Variants in BMPR1B observed in about 807,000 individuals in gnomAD.
BMPR1B encodes the protein bone morphogenetic protein receptor type 1B.
In BMPR1B, 12 loss-of-function variants were observed where a neutral mutation model predicts 59.1. That is an observed-to-expected ratio of 0.20 (90% CI 0.13 to 0.33). The LOEUF (loss-of-function observed/expected upper bound fraction) is 0.33. Among genes scored for constraint, BMPR1B ranks in the 10% least tolerant of loss-of-function variants. The probability of loss-of-function intolerance (pLI) is 1.00; values close to 1 mark genes in which losing one functional copy is unlikely to be tolerated. For synonymous variants in BMPR1B, 237 were observed against 207.3 expected (o/e 1.14, Z -1.23); for missense variants, 550 against 610.9 (o/e 0.90, Z 1.05).
chr4:95,148,847 C>A lies in BMPR1B; in HGVS notation c.1176C>A (p.Phe392Leu), dbSNP rs1412113319. Residue 392 changes from phenylalanine (F) to leucine (L), a missense_variant, in exon 11 of 13, where the codon TTC becomes TTA. Physicochemically the swap from Phe to Leu is conservative, Grantham distance 22 (BLOSUM62 0). Coordinates refer to ENST00000515059, the MANE Select transcript of BMPR1B (RefSeq NM_001203.3). Reference sequence around the variant, plus strand: ...ACGAGAGCTTGAACAGAAATCACTTCCAGTCTTACATCATGGCTGACATGT... The same window carrying A: ...ACGAGAGCTTGAACAGAAATCACTTACAGTCTTACATCATGGCTGACATGT... ...VLDESLNRNH[F>L]QSYIMADMYS... 1.9e-6 allele frequency: 3 copies of A among 1,614,074 alleles called. No homozygotes were observed. The highest frequency in any genetic ancestry group is 2.2e-5 in the East Asian group (1 of 44,874).
intron 10 of BMPR1B, among the ~76,000 whole-genome samples, chr4:95,133,915 A>ACGTG (rs1421558334): frequency 1.3e-5 from 2 of 151,474 alleles, no homozygotes; most frequent in Non-Finnish European, 2.9e-5. Flanking sequence ...TCTAGGGTAC[A>ACGTG]CGTGCACAAC....
At chr4:95,049,326 G>C (rs1726265202) in intron 3 of BMPR1B, among the ~76,000 whole-genome samples, 1 of 151,564 alleles carries the variant, frequency 6.6e-6, no homozygotes, top group Non-Finnish European at 1.5e-5. Context: ...TGTTGCTCAG[G>C]CTGGATTGAA....
At chr4:94,807,076 T>C (rs1723633547) in intron 1 of BMPR1B, among the ~76,000 whole-genome samples, 1 of 152,178 alleles carries the variant, frequency 6.6e-6, no homozygotes, top group Non-Finnish European at 1.5e-5. Context: ...GGTATAATTT[T>C]TATTATAAAT....
intron 2 of BMPR1B, among the ~76,000 whole-genome samples, chr4:94,910,719 G>A (rs1238628975): frequency 6.6e-6 from 1 of 151,732 alleles, no homozygotes; most frequent in South Asian, 2.1e-4. Context: ...ACCAGCCTAG[G>A]CAACATAGCG....
At chr4:94,977,498 G>A (rs1038582780) in intron 2 of BMPR1B, among the ~76,000 whole-genome samples, 19 of 63,734 alleles carry the variant, frequency 3.0e-4, no homozygotes, top group Non-Finnish European at 5.6e-4. Flanking sequence ...TTTTTTTTTA[G>A]TTCCTCTAAA....
chr4:95,042,317 A>C (rs1725715828), intron 3 of BMPR1B, among the ~76,000 whole-genome samples: 1 of 152,216 alleles, frequency 6.6e-6, no homozygotes, highest in African/African-American at 2.4e-5. Flanking sequence ...ACAAATTGAG[A>C]GTCAGAGATA....
At chr4:94,856,033 A>G (rs1049725555) in intron 1 of BMPR1B, among the ~76,000 whole-genome samples, 3 of 152,192 alleles carry the variant, frequency 2.0e-5, no homozygotes, top group African/African-American at 7.2e-5. Context: ...GCCCAGGGGG[A>G]ATACAACAAC....
At position 95,056,547 on chromosome 4, in the gene BMPR1B, G is replaced by A. The variant is rs762129695; in HGVS notation, c.-17-47861G>A. On this transcript the variant is annotated intron_variant, in intron 3 of 12. Transcript: ENST00000515059. ...TGGGACCCAGCAGGCCAGGAGGACCGGAACATCTCCTTGTCTATGTCTGTC... is the reference window on the plus strand; with the variant it reads ...TGGGACCCAGCAGGCCAGGAGGACCAGAACATCTCCTTGTCTATGTCTGTC... Among the ~76,000 whole-genome samples, 33 of 152,258 alleles carry A rather than the reference G, an allele frequency of 2.2e-4. No homozygotes were observed. The South Asian group carries it at 2.9e-3, about 13-fold the overall frequency.
intron 3 of BMPR1B, among the ~76,000 whole-genome samples, chr4:95,009,732 G>A (rs1301927550): frequency 1.3e-5 from 2 of 152,080 alleles, no homozygotes; most frequent in Non-Finnish European, 2.9e-5. Context: ...TTTGGTAAGT[G>A]GCTAAAATGG....
At chr4:94,889,488 T>A (rs1727306620) in intron 2 of BMPR1B, among the ~76,000 whole-genome samples, 1 of 152,122 alleles carries the variant, frequency 6.6e-6, no homozygotes, top group African/African-American at 2.4e-5. Context: ...GCATGTTCTC[T>A]CTGTACTGCT....
chr4:94,869,713 A>G (rs1389204342), intron 1 of BMPR1B, among the ~76,000 whole-genome samples: 1 of 152,164 alleles, frequency 6.6e-6, no homozygotes, highest in Non-Finnish European at 1.5e-5. Context: ...AGTTTTTATA[A>G]TCTGTAACAT....
Position 95,155,369 on chromosome 4 carries a change from C to G in BMPR1B, c.*696C>G, listed in dbSNP as rs1735341800. 1 of 149,068 alleles carries G rather than the reference C, an allele frequency of 6.7e-6. No individual in the cohort carries two copies. The highest frequency in any genetic ancestry group is 6.7e-5 in the Admixed American group (1 of 14,936). The allele number at this position is 149,068 out of a possible 1,614,324, so 9.2% of individuals were successfully genotyped here. A position where few individuals can be genotyped will look rare whatever the true frequency, so the allele number is the denominator to read the frequency against. The stretch of plus-strand genomic sequence containing the variant: ...GGAACAAATGAAGGTTTATGTGACT[C>G]TAATAGAAGTAATTGTTGATAGGTG... On this transcript the variant is annotated 3_prime_UTR_variant, in exon 13 of 13. Transcript: ENST00000515059.
intron 3 of BMPR1B, among the ~76,000 whole-genome samples, chr4:95,036,704 C>CTTTT (rs5860386): frequency 1.6e-5 from 2 of 128,094 alleles, no homozygotes; most frequent in Admixed American, 7.9e-5. Context: ...ATACAATTTC[C>CTTTT]TTTTTTTTTT....
chr4:94,928,478 G>C (rs1438761426), intron 2 of BMPR1B, among the ~76,000 whole-genome samples: 1 of 151,878 alleles, frequency 6.6e-6, no homozygotes, highest in Non-Finnish European at 1.5e-5. Context: ...ATATTTTTAA[G>C]AGTTGAAATC....
intron 3 of BMPR1B, among the ~76,000 whole-genome samples, chr4:95,021,256 T>G (rs750440804): frequency 5.9e-5 from 9 of 152,218 alleles, no homozygotes; most frequent in Non-Finnish European, 1.3e-4. Context: ...TGGAAGAAAG[T>G]ACAGTACTTA....
intron 2 of BMPR1B, among the ~76,000 whole-genome samples, chr4:94,934,830 T>C (rs1349634999): frequency 6.6e-6 from 1 of 152,114 alleles, no homozygotes; most frequent in Admixed American, 6.6e-5. Flanking sequence ...GTTTTTTTGT[T>C]TTAGTTTTCT....
At position 95,059,908 on chromosome 4, in the gene BMPR1B, A is replaced by G. The variant is rs1049755680; in HGVS notation, c.-17-44500A>G. On this transcript the variant is annotated intron_variant, in intron 3 of 12. Transcript: ENST00000515059. ...GTGGCAAAATAGACCTGAGTTCAGG[A>G]TCAGGTGCTTTTCTGCCTCTTTTTG... 2.6e-5 allele frequency among the ~76,000 whole-genome samples: 4 copies of G among 152,280 alleles called. No individual in the cohort carries two copies. In the East Asian group the frequency reaches 5.8e-4, roughly 22 times the overall value.
chr4:95,018,996 TG>T (rs1156625402), intron 3 of BMPR1B, among the ~76,000 whole-genome samples: 1 of 152,184 alleles, frequency 6.6e-6, no homozygotes, highest in Non-Finnish European at 1.5e-5. Context: ...TTATAATGAA[TG>T]TGCAATTGGG....
chr4:95,139,736 T>A (rs181167558), intron 10 of BMPR1B, among the ~76,000 whole-genome samples: 6 of 152,060 alleles, frequency 3.9e-5, no homozygotes, highest in Non-Finnish European at 7.4e-5. Flanking sequence ...CTCGGAGCCA[T>A]GCGCGGGATA....
Sources: allele counts gnomAD v4.1 joint callset (sites outside exome capture counted in the v4.1 genomes callset), GRCh38; gene constraint gnomAD v4.1.1; transcripts MANE v1.5; gene names NCBI Gene and HGNC (gene_info 2026-07-23, HGNC 2026-07-21).